Variants in RILPL1 observed in about 807,000 individuals in gnomAD.
The protein encoded by RILPL1 is Rab interacting lysosomal protein like 1.
Under a neutral mutation model 50.3 loss-of-function variants are expected in RILPL1, and 33 were observed. The observed-to-expected ratio is 0.66, with a 90% CI of 0.50 to 0.88. The LOEUF (loss-of-function observed/expected upper bound fraction) is 0.88. RILPL1 is among the 40% of genes least tolerant of loss of function. The pLI, the probability that RILPL1 is intolerant of heterozygous loss-of-function variation, is 0.00. For missense variants in RILPL1, 418 were observed against 542.5 expected, an observed-to-expected ratio of 0.77 and a Z score of 2.28; for synonymous variants, 205 against 228.6, an observed-to-expected ratio of 0.90 and a Z score of 0.93.
chr12:123,503,186 C>CTTTTTTTTTTTTTTTTTTTTTTT (rs373514624), intron 2 of RILPL1, among the ~76,000 whole-genome samples: 1 of 80,742 alleles, frequency 1.2e-5, no homozygotes. Flanking sequence ...CACGCCTGGC[C>CTTTTTTTTTTTTTTTTTTTTTTT]TTTTTTTTTT....
chr12:123,482,651 C>T (rs1882075468), intron 6 of RILPL1, among the ~76,000 whole-genome samples: 1 of 149,902 alleles, frequency 6.7e-6, no homozygotes, highest in African/African-American at 2.5e-5. Context: ...CAGGGTTTCG[C>T]TCTGTCACCC....
chr12:123,516,055 A>AAAAAAAAAAAAAAAAAAAAAG (rs1884675283), intron 2 of RILPL1, among the ~76,000 whole-genome samples: 1 of 148,418 alleles, frequency 6.7e-6, no homozygotes, highest in South Asian at 2.1e-4. Context: ...AAAAAAAAAA[A>AAAAAAAAAAAAAAAAAAAAAG]AAAAATGCCC....
intron 2 of RILPL1, among the ~76,000 whole-genome samples, chr12:123,505,679 G>C (rs1006853976): frequency 8.5e-5 from 13 of 152,088 alleles, no homozygotes; most frequent in African/African-American, 3.1e-4. Context: ...CTAGAGGGCA[G>C]TGGCAGGATC....
chr12:123,533,168 G>C lies in RILPL1; in HGVS notation c.309+6C>G. ...CCCGGACGGACAGACCGAGGCCGCC[G>C]CCCACCTTCTGGTGCTTGCGCTCCT... On this transcript the variant is annotated splice_donor_region_variant and intron_variant, in intron 1 of 6. Coordinates refer to ENST00000376874, the MANE Select transcript of RILPL1 (RefSeq NM_178314.5). This position sits in a 1 kb window ranked among gnomAD's most constrained non-coding sequence, Gnocchi z 6.2. 1 of 1,532,160 alleles carries C rather than the reference G, an allele frequency of 6.5e-7. No individual in the cohort carries two copies. The highest frequency in any genetic ancestry group is 1.4e-5 in the African/African-American group (1 of 73,242). The allele number at this position is 1,532,160 out of a possible 1,614,324, so 94.9% of individuals were successfully genotyped here.
chr12:123,508,157 G>T (rs1177104925), intron 2 of RILPL1, among the ~76,000 whole-genome samples: 1 of 152,108 alleles, frequency 6.6e-6, no homozygotes. Context: ...ACTTTGGGGG[G>T]CCAAGGCAGA....
intron 6 of RILPL1, chr12:123,475,930 G>T (rs1881563950): frequency 2.0e-6 from 1 of 506,354 alleles, no homozygotes; most frequent in Non-Finnish European, 3.5e-6. Context: ...TTGAGACAGA[G>T]TCTCACTGTC....
At chr12:123,504,882 G>A (rs1883634843) in intron 2 of RILPL1, among the ~76,000 whole-genome samples, 1 of 151,986 alleles carries the variant, frequency 6.6e-6, no homozygotes, top group African/African-American at 2.4e-5. Flanking sequence ...ACCAGGGCAC[G>A]AGATGCAAAA....
chr12:123,485,512 T>C lies in RILPL1; in HGVS notation c.974+121A>G. The C allele has an allele frequency of 3.3e-6, 3 of 915,090 alleles. No homozygotes were observed. In the South Asian group the frequency reaches 4.7e-5, roughly 14 times the overall value. 56.7% of individuals were successfully genotyped at this position (915,090 alleles called of 1,614,324 possible). A position where few individuals can be genotyped will look rare whatever the true frequency, so the allele number is the denominator to read the frequency against. ...TGTAAGTTCTTTAGGCCAGAGAGGG[T>C]ACCCAAAAAAAACACTGATGAAATG... On this transcript the variant is annotated intron_variant, in intron 5 of 6. Transcript: ENST00000376874. The surrounding 1 kb of genome is among the most constrained non-coding windows in gnomAD (Gnocchi z 4.0).
Position 123,521,465 on chromosome 12 carries a change from T to C in RILPL1, c.460+2030A>G, listed in dbSNP as rs891129505. Among the ~76,000 whole-genome samples, 3 of 150,526 alleles carry C rather than the reference T, an allele frequency of 2.0e-5. No individual in the cohort carries two copies. The Admixed American group carries it at 2.0e-4, about 10-fold the overall frequency. On this transcript the variant is annotated intron_variant, in intron 2 of 6. Transcript: ENST00000376874. ...ATCCAGACCTGGATCAAACTTTTCC[T>C]TTTTCCTTGGTTCCCACAGTCCTTT...
chr12:123,513,320 C>A, intron 2 of RILPL1: 1 of 367,488 alleles, frequency 2.7e-6, no homozygotes, highest in Non-Finnish European at 5.7e-6. Context: ...AACACTTGTC[C>A]CGACATGCCC....
intron 4 of RILPL1, among the ~76,000 whole-genome samples, chr12:123,486,157 G>C (rs1179024154): frequency 1.3e-5 from 2 of 152,096 alleles, no homozygotes; most frequent in Non-Finnish European, 1.5e-5. Flanking sequence ...CCCTTTCCAG[G>C]CCTCCTTTCA....
At chr12:123,521,292 G>A (rs1222121159) in intron 2 of RILPL1, among the ~76,000 whole-genome samples, 1 of 151,872 alleles carries the variant, frequency 6.6e-6, no homozygotes, top group Non-Finnish European at 1.5e-5. Flanking sequence ...AAGGTCACGT[G>A]ACTTGATCAA....
intron 2 of RILPL1, among the ~76,000 whole-genome samples, chr12:123,500,723 G>A (rs1215621292): frequency 6.6e-6 from 1 of 152,160 alleles, no homozygotes. Context: ...ACCCTATAAA[G>A]TAGGGTGATA....
chr12:123,529,700 G>A (rs558131623), intron 1 of RILPL1, among the ~76,000 whole-genome samples: 147 of 151,914 alleles, frequency 9.7e-4, no homozygotes, highest in African/African-American at 3.4e-3. Flanking sequence ...ACTAGCCTGG[G>A]CAACATAGTG....
chr12:123,484,195 G>T lies in RILPL1; in HGVS notation c.1052C>A (p.Ser351Ter). 6.2e-7 allele frequency: 1 copy of T among 1,605,656 alleles called. No individual in the cohort carries two copies. The highest frequency in any genetic ancestry group is 8.5e-7 in the Non-Finnish European group (1 of 1,172,936). The change falls in exon 6 of 7, where the codon TCG becomes TAG. Residue 351 changes from serine to a stop codon, truncating the protein, a stop_gained. Transcript: ENST00000376874. LOFTEE classifies it high-confidence loss of function. ...CATCACTTACAGTCGCTTGATGCCC[G>T]ACTCCGGCTGGGGGGACGTCCTCGG... is the stretch of plus-strand genomic sequence containing the variant. ...AHPRTSPQPE[S>*]GIKRLFSFFS... is the part of the protein sequence containing the mutation.
At position 123,522,345 on chromosome 12, in the gene RILPL1, A is replaced by T. The variant is rs1020961471; in HGVS notation, c.460+1150T>A. Among the ~76,000 whole-genome samples, 236 of 152,288 alleles carry T rather than the reference A, an allele frequency of 1.5e-3. 1 individual carries two copies. Among genetic ancestry groups the T allele is most frequent in the African/African-American group, 5.5e-3 (227 of 41,580 alleles). ...GCGGCCCATTTGTCCTTTTCCCAGC[A>T]CCAGCAGAGGCCCTGCATGAAGGTT... On this transcript the variant is annotated intron_variant, in intron 2 of 6. Coordinates refer to ENST00000376874, the MANE Select transcript of RILPL1 (RefSeq NM_178314.5). This position sits in a 1 kb window ranked among gnomAD's most constrained non-coding sequence, Gnocchi z 4.0.
At chr12:123,529,214 G>A (rs899961104) in intron 1 of RILPL1, among the ~76,000 whole-genome samples, 2 of 152,040 alleles carry the variant, frequency 1.3e-5, no homozygotes, top group Non-Finnish European at 2.9e-5. Context: ...CTTCCTGACT[G>A]CCCCATCTGT....
chr12:123,493,538 A>G (rs1882832804), intron 4 of RILPL1, among the ~76,000 whole-genome samples: 1 of 152,240 alleles, frequency 6.6e-6, no homozygotes, highest in Admixed American at 6.5e-5. Context: ...CTTATGAGAA[A>G]CACCCACAGG....
intron 1 of RILPL1, among the ~76,000 whole-genome samples, chr12:123,526,063 T>G (rs1341977028): frequency 6.6e-6 from 1 of 152,100 alleles, no homozygotes; most frequent in East Asian, 1.9e-4. Flanking sequence ...CCTGGCACCT[T>G]GGGAGGCCAA....
Sources: allele counts gnomAD v4.1 joint callset (sites outside exome capture counted in the v4.1 genomes callset), GRCh38; gene constraint gnomAD v4.1.1; non-coding constraint Gnocchi (gnomAD v3.1); transcripts MANE v1.5; gene names NCBI Gene and HGNC (gene_info 2026-07-23, HGNC 2026-07-21).